The following WWOX variants were observed in gnomAD, a reference collection of about 807,000 sequenced individuals.
The protein encoded by WWOX is WW domain containing oxidoreductase, also known as WW domain-containing oxidoreductase.
In WWOX, 69 loss-of-function variants were observed where a neutral mutation model predicts 46.2. The observed-to-expected ratio is 1.49, with a 90% CI of 1.23 to 1.82. The LOEUF (loss-of-function observed/expected upper bound fraction) is 1.82, where lower values mean the gene tolerates loss of function less well. Among genes scored for constraint, WWOX ranks in the 40% most tolerant of loss-of-function variants. The pLI is 0.00. For missense variants in WWOX, 919 were observed against 542.6 expected, an observed-to-expected ratio of 1.69 and a Z score of -6.89; for synonymous variants, 359 against 202.6, an observed-to-expected ratio of 1.77 and a Z score of -6.56.
chr16:79,140,655 A>C (rs1246066913), intron 8 of WWOX, among the ~76,000 whole-genome samples: 2 of 152,214 alleles, frequency 1.3e-5, no homozygotes, highest in East Asian at 3.8e-4. Context: ...GCTGCTCCCA[A>C]TTCTCTAGAT....
chr16:78,311,264 A>G (rs1322291028), intron 5 of WWOX, among the ~76,000 whole-genome samples: 1 of 152,064 alleles, frequency 6.6e-6, no homozygotes, highest in African/African-American at 2.4e-5. Context: ...TCTTCAGCCA[A>G]TTTTTTTGGT....
chr16:78,257,771 A>T (rs1022102408), intron 5 of WWOX, among the ~76,000 whole-genome samples: 1 of 152,214 alleles, frequency 6.6e-6, no homozygotes, highest in African/African-American at 2.4e-5. Flanking sequence ...CTTTGAATGG[A>T]AAAGTGATTT....
intron 5 of WWOX, among the ~76,000 whole-genome samples, chr16:78,234,451 A>G (rs2037371574): frequency 6.6e-6 from 1 of 152,116 alleles, no homozygotes; most frequent in South Asian, 2.1e-4. Context: ...CCGCTGGCTA[A>G]AGTGGCCATG....
At chr16:78,637,660 T>C (rs542285238) in intron 8 of WWOX, among the ~76,000 whole-genome samples, 3 of 152,342 alleles carry the variant, frequency 2.0e-5, no homozygotes, top group Admixed American at 6.5e-5. Context: ...GTTGTTTTCC[T>C]GTATGCTCCT....
At chr16:78,304,296 C>CT (rs1456665742) in intron 5 of WWOX, among the ~76,000 whole-genome samples, 2 of 152,168 alleles carry the variant, frequency 1.3e-5, no homozygotes, top group Non-Finnish European at 2.9e-5. Flanking sequence ...GAATGCTATA[C>CT]TTTTTTGTAA....
intron 8 of WWOX, among the ~76,000 whole-genome samples, chr16:78,652,715 C>G (rs72794713): frequency 0.051 from 7,774 of 152,150 alleles, 285 homozygotes; most frequent in Non-Finnish European, 0.077. Flanking sequence ...CAAATTTGTT[C>G]TTTTCAGATT....
chr16:78,292,567 G>A (rs1037177469), intron 5 of WWOX, among the ~76,000 whole-genome samples: 6 of 151,480 alleles, frequency 4.0e-5, no homozygotes, highest in African/African-American at 1.2e-4. Flanking sequence ...AGTATCTGTC[G>A]GACTTAGAAT....
intron 8 of WWOX, among the ~76,000 whole-genome samples, chr16:78,862,258 C>G (rs904512556): frequency 6.6e-6 from 1 of 150,710 alleles, no homozygotes; most frequent in African/African-American, 2.5e-5. Context: ...GTGTGTCTGT[C>G]TGTACCTATA....
At chr16:78,991,784 C>G (rs960831720) in intron 8 of WWOX, among the ~76,000 whole-genome samples, 2 of 152,040 alleles carry the variant, frequency 1.3e-5, no homozygotes, top group Admixed American at 1.3e-4. Flanking sequence ...TCCGTGTTCC[C>G]ATAAGCTTTC....
At chr16:78,373,426 C>T (rs551809611) in intron 5 of WWOX, among the ~76,000 whole-genome samples, 1 of 152,162 alleles carries the variant, frequency 6.6e-6, no homozygotes, top group East Asian at 1.9e-4. Flanking sequence ...GAACCCAATT[C>T]ATATGAGAAA....
intron 5 of WWOX, among the ~76,000 whole-genome samples, chr16:78,239,071 C>A (rs993000602): frequency 6.6e-6 from 1 of 152,280 alleles, no homozygotes; most frequent in Admixed American, 6.5e-5. Context: ...CCACGCATCC[C>A]CCGTGGATTC....
intron 8 of WWOX, among the ~76,000 whole-genome samples, chr16:78,956,988 T>C (rs1357573748): frequency 6.6e-6 from 1 of 152,164 alleles, no homozygotes; most frequent in African/African-American, 2.4e-5. Context: ...TGAGAACAAA[T>C]TTCCTGGCAG....
intron 8 of WWOX, among the ~76,000 whole-genome samples, chr16:79,084,107 G>C (rs76431033): frequency 0.044 from 6,640 of 152,184 alleles, 258 homozygotes; most frequent in African/African-American, 0.099. Context: ...AGAAACCAGG[G>C]AGAAACAGGA....
chr16:79,143,115 T>C (rs954625288), intron 8 of WWOX, among the ~76,000 whole-genome samples: 1 of 152,196 alleles, frequency 6.6e-6, no homozygotes, highest in Non-Finnish European at 1.5e-5. Context: ...AAAAAAAGTT[T>C]AAGGGACTGT....
chr16:78,781,638 T>A (rs2050328177), intron 8 of WWOX, among the ~76,000 whole-genome samples: 1 of 152,162 alleles, frequency 6.6e-6, no homozygotes, highest in African/African-American at 2.4e-5. Flanking sequence ...ACATGAATAT[T>A]GGGCCGGGCT....
intron 8 of WWOX, among the ~76,000 whole-genome samples, chr16:78,675,573 C>T (rs8045757): frequency 0.24 from 36,558 of 152,112 alleles, 6,759 homozygotes; most frequent in African/African-American, 0.52. Context: ...TATGTGATGG[C>T]TCCACAGAGC....
chr16:79,189,667 G>A (rs1398726772), intron 8 of WWOX, among the ~76,000 whole-genome samples: 1 of 151,990 alleles, frequency 6.6e-6, no homozygotes, highest in Non-Finnish European at 1.5e-5. Context: ...GGGGTTTGAG[G>A]TTATCTTTTG....
rs374748959 is a variant in WWOX, at chr16:78,796,824, C to T, written c.1056+364072C>T. Among the ~76,000 whole-genome samples the T allele has an allele frequency of 6.1e-5, 8 of 131,932 alleles. No individual in the cohort carries two copies. In the East Asian group the frequency reaches 6.9e-4, roughly 11 times the overall value. The allele number at this position is 131,932 out of a possible 152,430, so 86.6% of individuals were successfully genotyped here. On this transcript the variant is annotated intron_variant, in intron 8 of 8. Coordinates refer to ENST00000566780, the MANE Select transcript of WWOX (RefSeq NM_016373.4). ...CTTTGATCCCATGTTTCTTTATCTT[C>T]TTCTTTTTTTTTTTTTTTTTAGCCA...
intron 8 of WWOX, among the ~76,000 whole-genome samples, chr16:78,532,788 G>T (rs377439270): frequency 6.6e-6 from 1 of 152,084 alleles, no homozygotes; most frequent in Non-Finnish European, 1.5e-5. Context: ...AGAACACCTT[G>T]GGAAAGACCT....
Sources: gnomAD v4.1 joint callset for allele counts (sites outside exome capture counted in the v4.1 genomes callset) on GRCh38, gnomAD v4.1.1 for gene constraint, MANE v1.5 for transcripts, NCBI Gene and HGNC (gene_info 2026-07-23, HGNC 2026-07-21) for gene names.